The following PCDH9 variants were observed in gnomAD, a reference collection of about 807,000 sequenced individuals.
The protein encoded by PCDH9 is protocadherin-9.
In PCDH9, 24 loss-of-function variants were observed where a neutral mutation model predicts 70.6. The ratio of observed to expected loss-of-function variants is 0.34; its 90% confidence interval spans 0.25 to 0.48. The LOEUF is 0.48. Among genes scored for constraint, PCDH9 ranks in the 20% least tolerant of loss-of-function variants. The pLI, the probability that PCDH9 is intolerant of heterozygous loss-of-function variation, is 0.99. For missense variants in PCDH9, 1,281 were observed against 1,503.6 expected (o/e 0.85, Z 2.45); for synonymous variants, 562 against 558.5 (o/e 1.01, Z -0.09).
intron 4 of PCDH9, among the ~76,000 whole-genome samples, chr13:66,583,043 C>G (rs575046515): frequency 4.6e-5 from 7 of 150,904 alleles, no homozygotes; most frequent in Admixed American, 1.3e-4. Flanking sequence ...ACATTTTGTC[C>G]TCTGCTAAAT....
chr13:66,631,711 C>T (rs2077573878), intron 3 of PCDH9, among the ~76,000 whole-genome samples: 1 of 151,886 alleles, frequency 6.6e-6, no homozygotes, highest in Non-Finnish European at 1.5e-5. Context: ...ATACTGTCGA[C>T]AAAATTACAG....
chr13:66,547,940 ATATT>A (rs1961287961), intron 4 of PCDH9, among the ~76,000 whole-genome samples: 1 of 147,400 alleles, frequency 6.8e-6, no homozygotes, highest in Non-Finnish European at 1.5e-5. Flanking sequence ...AATAATATAT[ATATT>A]TAATTATAAA....
chr13:66,502,727 C>G (rs146507409), intron 4 of PCDH9, among the ~76,000 whole-genome samples: 1 of 152,276 alleles, frequency 6.6e-6, no homozygotes, highest in Non-Finnish European at 1.5e-5. Flanking sequence ...AAAAATCCCA[C>G]TCTAAAATGT....
intron 2 of PCDH9, among the ~76,000 whole-genome samples, chr13:67,015,659 G>A (rs1335285694): frequency 6.6e-6 from 1 of 152,030 alleles, no homozygotes; most frequent in African/African-American, 2.4e-5. Flanking sequence ...AGATTCAAAA[G>A]GCTTAAAAAC....
chr13:67,025,988 C>A (rs577601288), intron 2 of PCDH9, among the ~76,000 whole-genome samples: 1 of 152,190 alleles, frequency 6.6e-6, no homozygotes, highest in Admixed American at 6.5e-5. Context: ...TAAAAAATAA[C>A]AAACACATTA....
At chr13:66,376,718 C>A (rs902482539) in intron 4 of PCDH9, among the ~76,000 whole-genome samples, 2 of 151,870 alleles carry the variant, frequency 1.3e-5, no homozygotes, top group African/African-American at 2.4e-5. Flanking sequence ...TCTTTAAATG[C>A]TAGATCTATG....
chr13:66,328,581 C>G (rs1036177398), intron 4 of PCDH9, among the ~76,000 whole-genome samples: 2 of 152,104 alleles, frequency 1.3e-5, no homozygotes, highest in Non-Finnish European at 2.9e-5. Context: ...CTCAAGCAAC[C>G]TTTGTGAGAG....
chr13:66,532,880 T>C (rs994374142), intron 4 of PCDH9, among the ~76,000 whole-genome samples: 2 of 152,176 alleles, frequency 1.3e-5, no homozygotes, highest in Non-Finnish European at 2.9e-5. Flanking sequence ...ATTACAGTAT[T>C]TCAGACTAGG....
chr13:66,946,052 T>C (rs1315780884), intron 2 of PCDH9, among the ~76,000 whole-genome samples: 2 of 152,180 alleles, frequency 1.3e-5, no homozygotes, highest in African/African-American at 2.4e-5. Context: ...TAGCATCAAA[T>C]TGTGGTCTTG....
intron 3 of PCDH9, among the ~76,000 whole-genome samples, chr13:66,847,072 T>G (rs998240607): frequency 6.6e-6 from 1 of 152,150 alleles, no homozygotes; most frequent in South Asian, 2.1e-4. Context: ...TATGTCTAAA[T>G]AACACATCTT....
At chr13:66,338,743 A>G (rs1956077966) in intron 4 of PCDH9, among the ~76,000 whole-genome samples, 2 of 151,986 alleles carry the variant, frequency 1.3e-5, no homozygotes, top group African/African-American at 4.8e-5. Flanking sequence ...ATGGATGTAC[A>G]CATAACTGAC....
intron 2 of PCDH9, chr13:67,210,525 A>AG (rs2089447191): frequency 6.6e-6 from 1 of 152,024 alleles, no homozygotes; most frequent in African/African-American, 2.4e-5. Context: ...AATAGAAAGA[A>AG]GTAGGCCAGA....
chr13:66,602,434 T>C (rs112083085), intron 4 of PCDH9, among the ~76,000 whole-genome samples: 3,903 of 145,602 alleles, frequency 0.027, 405 homozygotes, highest in African/African-American at 0.091. Flanking sequence ...GATATTGATC[T>C]TGACCGTGCA....
chr13:66,773,263 G>A (rs1203115153), intron 3 of PCDH9, among the ~76,000 whole-genome samples: 1 of 152,136 alleles, frequency 6.6e-6, no homozygotes, highest in East Asian at 1.9e-4. Context: ...CTCCAATACA[G>A]TAGCTCTTAG....
intron 4 of PCDH9, among the ~76,000 whole-genome samples, chr13:66,441,543 G>A (rs1052495876): frequency 6.6e-6 from 1 of 152,002 alleles, no homozygotes; most frequent in Admixed American, 6.6e-5. Context: ...ATTGTAAAAG[G>A]TATCTCAAAC....
At chr13:66,801,793 A>C (rs2080330654) in intron 3 of PCDH9, among the ~76,000 whole-genome samples, 1 of 152,102 alleles carries the variant, frequency 6.6e-6, no homozygotes, top group African/African-American at 2.4e-5. Flanking sequence ...AGTGGAGAGT[A>C]ATCTTGTGGC....
intron 3 of PCDH9, among the ~76,000 whole-genome samples, chr13:66,732,062 T>G (rs1053549475): frequency 2.6e-5 from 4 of 151,974 alleles, no homozygotes; most frequent in African/African-American, 9.7e-5. Flanking sequence ...TGCTTTTGAT[T>G]TCACAGCAAA....
intron 3 of PCDH9, among the ~76,000 whole-genome samples, chr13:66,896,885 A>G (rs2082189289): frequency 6.6e-6 from 1 of 152,172 alleles, no homozygotes; most frequent in African/African-American, 2.4e-5. Context: ...CAGGCTGTAT[A>G]TTTAAGTAAA....
intron 2 of PCDH9, among the ~76,000 whole-genome samples, chr13:66,913,663 C>T (rs2082509005): frequency 6.6e-6 from 1 of 151,950 alleles, no homozygotes; most frequent in South Asian, 2.1e-4. Context: ...TACCTCAAAA[C>T]TTGATAGATT....
Sources: gnomAD v4.1 joint callset for allele counts (sites outside exome capture counted in the v4.1 genomes callset) on GRCh38, gnomAD v4.1.1 for gene constraint, MANE v1.5 for transcripts, NCBI Gene and HGNC (gene_info 2026-07-23, HGNC 2026-07-21) for gene names.